CNGA3: variants seen among roughly 807,000 people sequenced by gnomAD.
CNGA3 encodes cyclic nucleotide gated channel subunit alpha 3.
A neutral mutation model predicts 46.6 loss-of-function variants in CNGA3; 42 were observed. That is an observed-to-expected ratio of 0.90 (90% CI 0.70 to 1.17). The LOEUF (loss-of-function observed/expected upper bound fraction) is 1.17. Among genes scored for constraint, CNGA3 ranks in the 50% most tolerant of loss-of-function variants. The pLI, the probability that CNGA3 is intolerant of heterozygous loss-of-function variation, is 0.00. For synonymous variants in CNGA3, 394 were observed against 369.4 expected, an observed-to-expected ratio of 1.07 and a Z score of -0.76; for missense variants, 893 against 890.7, an observed-to-expected ratio of 1.00 and a Z score of -0.03.
At chr2:98,354,195 T>C (rs1389456197) in intron 1 of CNGA3, among the ~76,000 whole-genome samples, 1 of 152,240 alleles carries the variant, frequency 6.6e-6, no homozygotes, top group Non-Finnish European at 1.5e-5. Flanking sequence ...TTTTATTTGT[T>C]TTATTTTTAT....
At chr2:98,367,025 G>A (rs1486923718) in intron 1 of CNGA3, among the ~76,000 whole-genome samples, 2 of 152,010 alleles carry the variant, frequency 1.3e-5, no homozygotes, top group Non-Finnish European at 2.9e-5. Flanking sequence ...CTCCCAGGTG[G>A]GCAGGCGCTC....
rs369459783 is a variant in CNGA3, at chr2:98,396,506, G to A, written c.1336G>A (p.Ala446Thr). The A allele has an allele frequency of 2.5e-6, 4 of 1,613,944 alleles. No homozygotes were observed. In the African/African-American group the frequency reaches 5.3e-5, roughly 22 times the overall value. The change falls in exon 8 of 8, where the codon GCC becomes ACC. Residue 446 changes from alanine to threonine, a missense_variant. By Grantham distance (58) the Ala-to-Thr change is moderately conservative. This residue lies in a region of CNGA3 where 548 missense variants were observed against 570.8 expected (regional missense o/e 0.96). Transcript: ENST00000272602. ...RVIRWFDYLW[A>T]NKKTVDEKEV... is the part of the protein sequence containing the mutation. ...TATCCGGTGGTTTGACTACCTGTGGGCCAACAAGAAGACGGTGGATGAGAA... is the reference window on the plus strand; with the variant it reads ...TATCCGGTGGTTTGACTACCTGTGGACCAACAAGAAGACGGTGGATGAGAA...
chr2:98,397,750 A>C lies in CNGA3; in HGVS notation c.*495A>C, dbSNP rs920949826. 1 of 180,514 alleles carries C rather than the reference A, an allele frequency of 5.5e-6. No individual in the cohort carries two copies. The highest frequency in any genetic ancestry group is 2.4e-5 in the African/African-American group (1 of 41,918). The allele number at this position is 180,514 out of a possible 1,614,324, so 11.2% of individuals were successfully genotyped here. ...CAAGACAGTTTGAGGCATATTTCTT[A>C]ATCTGGTATCACCTCGTGTGTTCTT... On this transcript the variant is annotated 3_prime_UTR_variant, in exon 8 of 8. Coordinates refer to ENST00000272602, the MANE Select transcript of CNGA3 (RefSeq NM_001298.3).
chr2:98,356,497 C>G (rs536062954), intron 1 of CNGA3, among the ~76,000 whole-genome samples: 2 of 152,156 alleles, frequency 1.3e-5, no homozygotes, highest in Admixed American at 6.6e-5. Flanking sequence ...TGTGTCCAGA[C>G]TCGGCACCTC....
chr2:98,395,573 C>G (rs1692891432), intron 7 of CNGA3, among the ~76,000 whole-genome samples: 1 of 152,060 alleles, frequency 6.6e-6, no homozygotes, highest in Non-Finnish European at 1.5e-5. Context: ...AATAATCATT[C>G]TTTGTTATCA....
chr2:98,348,431 C>T (rs1574353773), intron 1 of CNGA3, among the ~76,000 whole-genome samples: 1 of 152,226 alleles, frequency 6.6e-6, no homozygotes, highest in African/African-American at 2.4e-5. Flanking sequence ...AGTCTCCAGT[C>T]GCCATGGTAC....
At chr2:98,380,454 T>C in intron 4 of CNGA3, 100 bp downstream of exon 4, 1 of 1,409,296 alleles carries the variant, frequency 7.1e-7, no homozygotes, top group Non-Finnish European at 9.8e-7. Flanking sequence ...ACAGGTGGCC[T>C]GGAACGTCAT....
chr2:98,367,182 T>C (rs1348366323), intron 1 of CNGA3, among the ~76,000 whole-genome samples: 3 of 127,332 alleles, frequency 2.4e-5, no homozygotes, highest in Non-Finnish European at 5.1e-5. Flanking sequence ...TTTTCTTTTT[T>C]TTCTTTTTTT....
intron 3 of CNGA3, chr2:98,378,346 T>C: frequency 3.9e-6 from 4 of 1,017,074 alleles, no homozygotes; most frequent in Admixed American, 6.3e-5. Flanking sequence ...ATTTCACCTT[T>C]TCAAATCTCA....
At chr2:98,352,526 A>C (rs1292228061) in intron 1 of CNGA3, among the ~76,000 whole-genome samples, 1 of 152,186 alleles carries the variant, frequency 6.6e-6, no homozygotes, top group Non-Finnish European at 1.5e-5. Context: ...CAGTTTTTCC[A>C]CATCACATTG....
At chr2:98,367,176 C>CTTTCTTTT (rs1692176534) in intron 1 of CNGA3, among the ~76,000 whole-genome samples, 12 of 115,528 alleles carry the variant, frequency 1.0e-4, no homozygotes, top group Non-Finnish European at 1.8e-4. Flanking sequence ...TGTTTTTTTT[C>CTTTCTTTT]TTTTTTTTCT....
At chr2:98,385,782 T>C (rs1376335356) in intron 5 of CNGA3, among the ~76,000 whole-genome samples, 1 of 152,168 alleles carries the variant, frequency 6.6e-6, no homozygotes, top group Non-Finnish European at 1.5e-5. Flanking sequence ...CTTCTGCTTC[T>C]GGGGAGGCCT....
intron 1 of CNGA3, among the ~76,000 whole-genome samples, chr2:98,366,278 G>A (rs1029503059): frequency 5.3e-5 from 8 of 152,280 alleles, no homozygotes; most frequent in African/African-American, 1.9e-4. Flanking sequence ...CCTTCATCCG[G>A]GAGATCCGTC....
At chr2:98,349,254 A>AGTAG (rs1166996592) in intron 1 of CNGA3, among the ~76,000 whole-genome samples, 2 of 152,076 alleles carry the variant, frequency 1.3e-5, no homozygotes, top group Non-Finnish European at 2.9e-5. Flanking sequence ...TGTCTCTGCC[A>AGTAG]GTAGGTGGGG....
intron 4 of CNGA3, among the ~76,000 whole-genome samples, chr2:98,383,012 G>A (rs1053146078): frequency 2.4e-4 from 37 of 152,318 alleles, no homozygotes; most frequent in Non-Finnish European, 4.7e-4. Flanking sequence ...AGCACTGAGG[G>A]CAGAGGCCAC....
At chr2:98,384,804 C>T (rs907432904) in intron 5 of CNGA3, among the ~76,000 whole-genome samples, 3 of 152,102 alleles carry the variant, frequency 2.0e-5, no homozygotes, top group Non-Finnish European at 4.4e-5. Flanking sequence ...GGGTGGATAG[C>T]GTGGGCTGCA....
chr2:98,370,111 C>T (rs1692252901), intron 2 of CNGA3, 35 bp downstream of exon 2: 1 of 1,510,320 alleles, frequency 6.6e-7, no homozygotes, highest in Non-Finnish European at 9.2e-7. Flanking sequence ...TCATTTTATG[C>T]CTGGCTCTGG....
intron 1 of CNGA3, among the ~76,000 whole-genome samples, chr2:98,364,701 T>G (rs1026662375): frequency 6.6e-6 from 1 of 152,194 alleles, no homozygotes; most frequent in Non-Finnish European, 1.5e-5. Context: ...GGTTGCTGCT[T>G]CATAATATCG....
intron 5 of CNGA3, among the ~76,000 whole-genome samples, chr2:98,388,608 C>T (rs557522295): frequency 2.0e-5 from 3 of 152,344 alleles, no homozygotes; most frequent in African/African-American, 7.2e-5. Flanking sequence ...AAGAGAGTTG[C>T]TTGTCTGCAG....
Sources: gnomAD v4.1 joint callset for allele counts (sites outside exome capture counted in the v4.1 genomes callset) on GRCh38, gnomAD v4.1.1 for gene constraint, gnomAD v4.1.1 regional missense constraint, MANE v1.5 for transcripts, NCBI Gene and HGNC (gene_info 2026-07-23, HGNC 2026-07-21) for gene names.